The following TEX9 variants were observed in gnomAD, a reference collection of about 807,000 sequenced individuals.
The protein encoded by TEX9 is testis-expressed protein 9.
Under a neutral mutation model 59.6 loss-of-function variants are expected in TEX9, and 74 were observed. The observed-to-expected ratio is 1.24, with a 90% confidence interval of 1.03 to 1.51. The LOEUF (loss-of-function observed/expected upper bound fraction) is 1.51. TEX9 is among the 40% of genes most tolerant of loss of function. TEX9 has a pLI of 0.00. For missense variants in TEX9, 522 were observed against 447.8 expected, an observed-to-expected ratio of 1.17 and a Z score of -1.49; for synonymous variants, 186 against 152.2, an observed-to-expected ratio of 1.22 and a Z score of -1.64.
chr15:56,457,717 A>G, the TEX9 span, among the ~76,000 whole-genome samples: 5 of 151,556 alleles, frequency 3.3e-5, no homozygotes, highest in African/African-American at 1.2e-4. Context: ...CAGGAGGTTG[A>G]GGTAGGAGGA....
chr15:56,300,083 A>G (rs1206163576), intron 1 of TEX9, among the ~76,000 whole-genome samples: 1 of 152,154 alleles, frequency 6.6e-6, no homozygotes, highest in African/African-American at 2.4e-5. Context: ...CCCCAGTTCC[A>G]GTCCTTCACT....
At chr15:56,294,152 A>G (rs1429300850) in intron 1 of TEX9, among the ~76,000 whole-genome samples, 3 of 152,194 alleles carry the variant, frequency 2.0e-5, no homozygotes, top group Non-Finnish European at 4.4e-5. Flanking sequence ...CCACTAGTGC[A>G]TATGATTGGA....
At chr15:56,428,851 A>T in intron 12 of TEX9, 1 of 425,362 alleles carries the variant, frequency 2.4e-6, no homozygotes, top group East Asian at 4.3e-5. Flanking sequence ...TACTGTCTTG[A>T]GGATGGGGAT....
chr15:56,453,001 C>G, the TEX9 span, among the ~76,000 whole-genome samples: 14 of 152,242 alleles, frequency 9.2e-5, 1 homozygote, highest in African/African-American at 3.4e-4. Context: ...TTGGAATAAT[C>G]AATTCCTATT....
At chr15:56,266,957 C>T (rs1236953886) in intron 1 of TEX9, among the ~76,000 whole-genome samples, 7 of 152,128 alleles carry the variant, frequency 4.6e-5, no homozygotes, top group South Asian at 2.1e-4. Flanking sequence ...GTAAAAGTGT[C>T]CCTATTTCTC....
chr15:56,441,213 C>T (rs1253150531), intron 12 of TEX9, among the ~76,000 whole-genome samples: 6 of 151,660 alleles, frequency 4.0e-5, no homozygotes, highest in African/African-American at 1.5e-4. Context: ...ATTTTCATTA[C>T]TGATTTTTAA....
intron 1 of TEX9, among the ~76,000 whole-genome samples, chr15:56,319,118 A>C (rs1873181406): frequency 6.6e-6 from 1 of 152,046 alleles, no homozygotes; most frequent in African/African-American, 2.4e-5. Flanking sequence ...AATTTTAAAA[A>C]TCTGTATCAT....
At chr15:56,323,540 G>A (rs1596089268) in intron 1 of TEX9, 1 of 192,828 alleles carries the variant, frequency 5.2e-6, no homozygotes, top group Non-Finnish European at 1.0e-5. Context: ...CTGTGAAGCT[G>A]AAAGAAAAAT....
chr15:56,413,933 C>A (rs1003520690), intron 10 of TEX9, among the ~76,000 whole-genome samples: 1 of 151,600 alleles, frequency 6.6e-6, no homozygotes, highest in African/African-American at 2.4e-5. Flanking sequence ...ATGGTCAGGT[C>A]ATTTTCATAT....
At chr15:56,372,589 A>T (rs1195238361) in intron 2 of TEX9, among the ~76,000 whole-genome samples, 2 of 152,212 alleles carry the variant, frequency 1.3e-5, no homozygotes, top group African/African-American at 4.8e-5. Flanking sequence ...TTGCAATTTA[A>T]TCGTATAGCA....
chr15:56,288,355 TG>T (rs1168272137), intron 1 of TEX9, among the ~76,000 whole-genome samples: 1 of 152,138 alleles, frequency 6.6e-6, no homozygotes, highest in Non-Finnish European at 1.5e-5. Flanking sequence ...CATGTTTTTT[TG>T]TGTTACTAAT....
intron 1 of TEX9, among the ~76,000 whole-genome samples, chr15:56,333,635 G>A (rs1332154575): frequency 6.6e-6 from 1 of 152,020 alleles, no homozygotes; most frequent in Non-Finnish European, 1.5e-5. Context: ...ATGCCCACTT[G>A]CACCCTGTTA....
chr15:56,269,221 T>G (rs1425048973), intron 1 of TEX9, among the ~76,000 whole-genome samples: 1 of 151,948 alleles, frequency 6.6e-6, no homozygotes, highest in African/African-American at 2.4e-5. Flanking sequence ...TCTTTTCTTC[T>G]TTATGAGTCT....
chr15:56,244,176 G>C (rs372535369), exon 1 of TEX9: 2 of 152,318 alleles, frequency 1.3e-5, no homozygotes, highest in Non-Finnish European at 2.9e-5. Flanking sequence ...GGCGGGGGAG[G>C]CATCTTCAAA....
Position 56,384,011 on chromosome 15 carries a change from C to T in TEX9, c.243C>T (p.Asp81=), listed in dbSNP as rs757074998. The T allele has an allele frequency of 6.4e-5, 103 of 1,611,770 alleles. No individual in the cohort carries two copies. The Admixed American group carries it at 8.4e-4, about 13-fold the overall frequency. Residue 81 remains aspartate, a synonymous_variant, in exon 4 of 13, where the codon GAC becomes GAT. Transcript: ENST00000352903. ...CAACACAAATGAAATCATGTGATGA[C>T]GAAGATGATTACAGTTTAAGGTAAG...
intron 1 of TEX9, among the ~76,000 whole-genome samples, chr15:56,310,409 G>A (rs1191469676): frequency 6.6e-6 from 1 of 152,152 alleles, no homozygotes; most frequent in African/African-American, 2.4e-5. Flanking sequence ...TCCAGCCTGG[G>A]CAACAAGAGC....
At chr15:56,418,929 G>C (rs1879545618) in intron 10 of TEX9, among the ~76,000 whole-genome samples, 1 of 151,840 alleles carries the variant, frequency 6.6e-6, no homozygotes, top group African/African-American at 2.4e-5. Context: ...TTCCATGTAA[G>C]TTTTTAGAAT....
chr15:56,412,355 C>T, exon 10 of TEX9: 1 of 1,613,300 alleles, frequency 6.2e-7, no homozygotes, highest in Non-Finnish European at 8.5e-7. Flanking sequence ...GTCAAAGTGC[C>T]ACAGAGGTTC....
chr15:56,258,353 C>T (rs761383161), intron 1 of TEX9, among the ~76,000 whole-genome samples: 2 of 152,156 alleles, frequency 1.3e-5, no homozygotes, highest in Admixed American at 6.5e-5. Context: ...ATGGGAGTAG[C>T]GTAGAATCTA....
Sources: allele counts gnomAD v4.1 joint callset (sites outside exome capture counted in the v4.1 genomes callset), GRCh38; gene constraint gnomAD v4.1.1; transcripts MANE v1.5; gene names NCBI Gene and HGNC (gene_info 2026-07-23, HGNC 2026-07-21).